ERC2: variants seen among roughly 807,000 people sequenced by gnomAD.
The protein encoded by ERC2 is ERC protein 2.
A neutral mutation model predicts 114.8 loss-of-function variants in ERC2; 42 were observed. The observed-to-expected ratio is 0.37, with a 90% CI of 0.29 to 0.47. ERC2 has a LOEUF of 0.47. Among genes scored for constraint, ERC2 ranks in the 20% least tolerant of loss-of-function variants. The pLI, the probability that ERC2 is intolerant of heterozygous loss-of-function variation, is 0.99. For missense variants in ERC2, 939 were observed against 1,150.7 expected (o/e 0.82, Z 2.66); for synonymous variants, 454 against 425.5 (o/e 1.07, Z -0.82).
intron 14 of ERC2, among the ~76,000 whole-genome samples, chr3:55,796,615 G>A (rs1329223142): frequency 6.6e-6 from 1 of 152,120 alleles, no homozygotes; most frequent in African/African-American, 2.4e-5. Context: ...TAGTAGAGAT[G>A]GGGTTTCACC....
chr3:55,824,265 GCT>G (rs1455074631), intron 14 of ERC2, among the ~76,000 whole-genome samples: 3 of 152,110 alleles, frequency 2.0e-5, no homozygotes, highest in African/African-American at 7.2e-5. Flanking sequence ...GATTCTCCAG[GCT>G]CTCTCCATTT....
chr3:55,789,425 A>C (rs9827757), intron 14 of ERC2, among the ~76,000 whole-genome samples: 12,325 of 152,216 alleles, frequency 0.081, 765 homozygotes, highest in African/African-American at 0.17. Flanking sequence ...AGATTTACAC[A>C]GATAAGATCC....
chr3:55,864,201 A>G (rs2062185331), intron 14 of ERC2, among the ~76,000 whole-genome samples: 1 of 136,858 alleles, frequency 7.3e-6, no homozygotes. Flanking sequence ...ATATACACAT[A>G]TATATACACA....
rs1576656086 is a variant in ERC2, at chr3:56,376,498, C to T, written c.657+57853G>A. On this transcript the variant is annotated intron_variant, in intron 2 of 17. Coordinates refer to ENST00000288221, the MANE Select transcript of ERC2 (RefSeq NM_015576.3). ...GAGGTGAGTTGGCCGGGCACAGTGG[C>T]TCATGCCTGTAATCCTAGCACTTTG... 3.3e-5 allele frequency among the ~76,000 whole-genome samples: 5 copies of T among 151,696 alleles called. No individual in the cohort carries two copies. The South Asian group carries it at 6.3e-4, about 19-fold the overall frequency.
intron 13 of ERC2, among the ~76,000 whole-genome samples, chr3:55,892,862 C>T (rs926560707): frequency 3.3e-5 from 5 of 152,024 alleles, no homozygotes; most frequent in Admixed American, 1.3e-4. Context: ...AAAACTGATG[C>T]TTCTCTTAGT....
intron 6 of ERC2, among the ~76,000 whole-genome samples, chr3:56,122,048 G>A (rs746576297): frequency 1.4e-4 from 22 of 152,184 alleles, no homozygotes; most frequent in Non-Finnish European, 1.9e-4. Context: ...TGGATGAAAG[G>A]TCACATAGTA....
chr3:55,737,786 T>C (rs1486363173), intron 14 of ERC2, among the ~76,000 whole-genome samples: 2 of 152,178 alleles, frequency 1.3e-5, no homozygotes, highest in African/African-American at 4.8e-5. Flanking sequence ...AGGCACTATT[T>C]TCTTTTATGA....
chr3:55,547,836 GT>G (rs2054866520), intron 17 of ERC2, among the ~76,000 whole-genome samples: 1 of 152,204 alleles, frequency 6.6e-6, no homozygotes, highest in Non-Finnish European at 1.5e-5. Context: ...AACACTTGTG[GT>G]CCAAAGAAGG....
intron 17 of ERC2, among the ~76,000 whole-genome samples, chr3:55,545,201 C>G (rs1167247): frequency 0.34 from 51,756 of 152,098 alleles, 10,403 homozygotes; most frequent in East Asian, 0.62. Context: ...GGCCACATCT[C>G]TCTTCTAGAT....
At chr3:56,189,912 A>G (rs1560337797) in intron 3 of ERC2, among the ~76,000 whole-genome samples, 1 of 152,182 alleles carries the variant, frequency 6.6e-6, no homozygotes, top group African/African-American at 2.4e-5. Context: ...TTAAAATTAG[A>G]GGAAAACTGA....
intron 17 of ERC2, among the ~76,000 whole-genome samples, chr3:55,561,863 C>T (rs1007153423): frequency 3.3e-5 from 5 of 152,160 alleles, no homozygotes; most frequent in African/African-American, 1.2e-4. Flanking sequence ...GGCACAGAAC[C>T]TAAGCCAGCC....
intron 2 of ERC2, among the ~76,000 whole-genome samples, chr3:56,343,456 TA>T (rs879726443): frequency 2.7e-3 from 394 of 145,430 alleles, no homozygotes; most frequent in African/African-American, 6.7e-3. Flanking sequence ...GCTTCAAAAT[TA>T]AAAAAAAAAA....
intron 12 of ERC2, among the ~76,000 whole-genome samples, chr3:55,965,051 C>G (rs1238126974): frequency 6.6e-6 from 1 of 152,174 alleles, no homozygotes; most frequent in Non-Finnish European, 1.5e-5. Flanking sequence ...TACTCCATCA[C>G]CTTTACCATA....
intron 14 of ERC2, among the ~76,000 whole-genome samples, chr3:55,797,168 C>T (rs1244430792): frequency 6.6e-6 from 1 of 151,936 alleles, no homozygotes; most frequent in African/African-American, 2.4e-5. Context: ...TAGGAAAGGC[C>T]CTCTCAAAAC....
At chr3:55,732,033 G>A (rs778559779) in intron 15 of ERC2, among the ~76,000 whole-genome samples, 9 of 151,978 alleles carry the variant, frequency 5.9e-5, no homozygotes, top group African/African-American at 1.2e-4. Flanking sequence ...TGTGGAATCC[G>A]GTAGACTATC....
chr3:55,668,079 C>A (rs1354438686), intron 17 of ERC2, among the ~76,000 whole-genome samples: 3 of 151,996 alleles, frequency 2.0e-5, no homozygotes, highest in South Asian at 2.1e-4. Context: ...AATTATATAT[C>A]TCTCTCACTA....
At chr3:55,862,172 G>A (rs1258379684) in intron 14 of ERC2, among the ~76,000 whole-genome samples, 1 of 152,084 alleles carries the variant, frequency 6.6e-6, no homozygotes, top group Non-Finnish European at 1.5e-5. Context: ...TGTATTTTAT[G>A]TATGTGTGTG....
chr3:55,854,186 A>G (rs774781244), intron 14 of ERC2, among the ~76,000 whole-genome samples: 1 of 152,108 alleles, frequency 6.6e-6, no homozygotes, highest in Non-Finnish European at 1.5e-5. Context: ...GAGGCACGAG[A>G]ATCGCTTGAA....
chr3:56,093,501 A>G (rs13097220), intron 6 of ERC2, among the ~76,000 whole-genome samples: 36,122 of 152,034 alleles, frequency 0.24, 4,981 homozygotes, highest in Admixed American at 0.31. Context: ...CAGCGAGGAA[A>G]CTGGATCTTC....
Sources: gnomAD v4.1 joint callset for allele counts (sites outside exome capture counted in the v4.1 genomes callset) on GRCh38, gnomAD v4.1.1 for gene constraint, MANE v1.5 for transcripts, NCBI Gene and HGNC (gene_info 2026-07-23, HGNC 2026-07-21) for gene names.